The following TSC2 variants were observed in gnomAD, a reference collection of about 807,000 sequenced individuals.
TSC2 encodes the protein tuberin.
A neutral mutation model predicts 202.2 loss-of-function variants in TSC2; 29 were observed. The observed-to-expected ratio is 0.14, with a 90% CI of 0.11 to 0.20. The LOEUF is 0.20. Among genes scored for constraint, TSC2 ranks in the 10% least tolerant of loss-of-function variants. The pLI is 1.00. For synonymous variants in TSC2, 1,349 were observed against 1,044.0 expected (o/e 1.29, Z -5.63); for missense variants, 2,429 against 2,420.0 (o/e 1.00, Z -0.08).
At chr16:2,085,138 G>GC in intron 35 of TSC2, 92 bp from the exon 36 acceptor site, 1 of 1,603,136 alleles carries the variant, frequency 6.2e-7, no homozygotes. Context: ...TCTGGCCTAA[G>GC]CTCCCTGTGG....
At position 2,070,514 on chromosome 16, in the gene TSC2, G is replaced by A. The variant is rs374371998; in HGVS notation, c.1775G>A (p.Ser592Asn). Residue 592 changes from serine to asparagine, a missense_variant, in exon 17 of 42, where the codon AGC becomes AAC. Ser to Asn is a conservative substitution (Grantham distance 46). Coordinates refer to ENST00000219476, the MANE Select transcript of TSC2 (RefSeq NM_000548.5). Reference sequence around the variant, plus strand: ...ACGCGTGTGTATGAGATGCTGGTCAGCCACATTCAGCTCCACTACAAGCAC... The same window carrying A: ...ACGCGTGTGTATGAGATGCTGGTCAACCACATTCAGCTCCACTACAAGCAC... ...HATRVYEMLV[S>N]HIQLHYKHSY... 9 of 1,613,290 alleles carry A rather than the reference G, an allele frequency of 5.6e-6. No homozygotes were observed. In the African/African-American group the frequency reaches 9.3e-5, roughly 17 times the overall value.
At chr16:2,062,919 T>G in intron 13 of TSC2, 53 bp from the exon 14 acceptor site, 2 of 1,534,808 alleles carry the variant, frequency 1.3e-6, no homozygotes, top group Non-Finnish European at 1.8e-6. Flanking sequence ...CGGGCTGGTG[T>G]GGGGCTGTGG....
At chr16:2,069,537 T>C (rs1237963550) in intron 16 of TSC2, among the ~76,000 whole-genome samples, 18 of 151,690 alleles carry the variant, frequency 1.2e-4, no homozygotes, top group Non-Finnish European at 2.6e-4. Flanking sequence ...TGGAGTGCAG[T>C]GGCACGATCT....
chr16:2,078,185 G>A (rs1361205219), intron 26 of TSC2: 2 of 238,612 alleles, frequency 8.4e-6, no homozygotes, highest in Non-Finnish European at 1.7e-5. Flanking sequence ...CTGGGTGGGG[G>A]CTAGGATCCT....
intron 10 of TSC2, among the ~76,000 whole-genome samples, chr16:2,059,336 C>T (rs866595544): frequency 1.4e-5 from 2 of 145,396 alleles, no homozygotes; most frequent in African/African-American, 5.2e-5. Context: ...TTTTCTCTCT[C>T]TCTTTTTTTT....
At chr16:2,053,817 T>G in intron 4 of TSC2, 2 of 509,448 alleles carry the variant, frequency 3.9e-6, no homozygotes, top group Non-Finnish European at 7.7e-6. Context: ...CTGCATTCCA[T>G]CTGTGCTGGT....
intron 24 of TSC2, 152 bp from the exon 25 acceptor site, chr16:2,076,339 T>C (rs2089362678): frequency 6.4e-7 from 1 of 1,560,230 alleles, no homozygotes; most frequent in Non-Finnish European, 8.7e-7. Flanking sequence ...AGGGCTTTGA[T>C]GCGCGGCAGG....
At chr16:2,070,402 T>C (rs932778102) in intron 16 of TSC2, 54 bp from the exon 17 acceptor site, 32 of 1,612,902 alleles carry the variant, frequency 2.0e-5, no homozygotes, top group Non-Finnish European at 2.5e-5. Flanking sequence ...GGTGCTGTCT[T>C]AGGACTGCGT....
At chr16:2,065,817 C>T (rs978710549) in intron 16 of TSC2, among the ~76,000 whole-genome samples, 182 bp downstream of exon 16, 9 of 152,134 alleles carry the variant, frequency 5.9e-5, no homozygotes, top group Non-Finnish European at 1.2e-4. Context: ...GGGATGGATG[C>T]AAGAGGCCCC....
At chr16:2,086,035 C>G (rs1259917418) in intron 36 of TSC2, among the ~76,000 whole-genome samples, 158 bp from the exon 37 acceptor site, 1 of 152,150 alleles carries the variant, frequency 6.6e-6, no homozygotes, top group East Asian at 1.9e-4. Flanking sequence ...AAGGATGACA[C>G]CCGATGTCTG....
At chr16:2,076,397 G>C (rs2089374037) in intron 24 of TSC2, 94 bp from the exon 25 acceptor site, 1 of 1,591,786 alleles carries the variant, frequency 6.3e-7, no homozygotes, top group South Asian at 1.1e-5. Flanking sequence ...CTAGCCTGCA[G>C]CTTGTCCCTG....
rs397515146 is a variant in TSC2 at position 2,060,727 on chromosome 16, C to G, written c.1033C>G (p.Leu345Val). The G allele has an allele frequency of 1.9e-6, 3 of 1,614,128 alleles. No individual in the cohort carries two copies. The highest frequency in any genetic ancestry group is 2.5e-6 in the Non-Finnish European group (3 of 1,180,018). The change falls in exon 11 of 42, where the codon CTC (leucine) becomes GTC (valine). Residue 345 changes from leucine (L) to valine (V), a missense_variant. Leu to Val is a conservative substitution (Grantham distance 32). Coordinates refer to ENST00000219476, the MANE Select transcript of TSC2 (RefSeq NM_000548.5). Reference sequence around the variant, plus strand: ...TGAGATCGTCCTGTCCATCACCAGGCTCATCAAGAAGTATAGGAAGGAGCT... The same window carrying G: ...TGAGATCGTCCTGTCCATCACCAGGGTCATCAAGAAGTATAGGAAGGAGCT... ...SYEIVLSITR[L>V]IKKYRKELQV...
chr16:2,083,833 G>T lies in TSC2; in HGVS notation c.4005+17G>T. On this transcript the variant is annotated intron_variant, in intron 33 of 41. Transcript: ENST00000219476. ...TACAGCAGGGTGAGTGTGGCTCAGA[G>T]CCTGGACCCTGCTGACCTCGGGGGG... 1 of 1,607,764 alleles carries T rather than the reference G, an allele frequency of 6.2e-7. No individual in the cohort carries two copies. The highest frequency in any genetic ancestry group is 8.5e-7 in the Non-Finnish European group (1 of 1,178,158).
intron 38 of TSC2, chr16:2,087,128 A>G: frequency 8.8e-6 from 5 of 568,286 alleles, no homozygotes; most frequent in East Asian, 3.1e-5. Flanking sequence ...GGGTGGGCAC[A>G]GTGTAGTTGG....
chr16:2,088,881 G>GCGCGCA lies in TSC2; in HGVS notation c.*272_*273insGCGCAC, dbSNP rs142285430. The GCGCGCA allele has an allele frequency of 7.1e-4, 300 of 421,466 alleles. 1 individual carries two copies. The highest frequency in any genetic ancestry group is 3.9e-3 in the African/African-American group (173 of 44,674). The allele number at this position is 421,466 out of a possible 1,614,324, so 26.1% of individuals were successfully genotyped here. Reference sequence around the variant, plus strand: ...ACAGCACACTCGCGCGTGCGCGCGCGCACACACACACACACACAGTCACCT... The same window carrying GCGCGCA: ...ACAGCACACTCGCGCGTGCGCGCGCGCGCGCACACACACACACACACACAGTCACCT... On this transcript the variant is annotated 3_prime_UTR_variant, in exon 42 of 42. Coordinates refer to ENST00000219476, the MANE Select transcript of TSC2 (RefSeq NM_000548.5).
At position 2,081,653 on chromosome 16, in the gene TSC2, C is replaced by T. The variant is rs2151481655; in HGVS notation, c.3669C>T (p.Ile1223=). ...ENPLSPFSSD[I]NNMPLQELSN... is the part of the protein sequence containing the mutation. Reference sequence around the variant, plus strand: ...CGCTCAGCCCTTTCTCCTCGGACATCAACAACATGCCCCTGCAGGAGCTGT... The same window carrying T: ...CGCTCAGCCCTTTCTCCTCGGACATTAACAACATGCCCCTGCAGGAGCTGT... Residue 1223 remains isoleucine, a synonymous_variant, in exon 31 of 42, where the codon ATC becomes ATT. Transcript: ENST00000219476. The T allele has an allele frequency of 6.2e-7, 1 of 1,612,976 alleles. No individual in the cohort carries two copies. Among genetic ancestry groups the T allele is most frequent in the Non-Finnish European group, 8.5e-7 (1 of 1,180,016 alleles).
At chr16:2,083,312 G>T in intron 32 of TSC2, 1 of 461,040 alleles carries the variant, frequency 2.2e-6, no homozygotes, top group Admixed American at 2.4e-5. Context: ...CCCACGTCAC[G>T]GAGTCTCCGC....
intron 16 of TSC2, chr16:2,068,896 ATAAGG>A (rs2087793777): frequency 7.0e-6 from 1 of 142,042 alleles, no homozygotes; most frequent in Admixed American, 7.1e-5. Context: ...AAAAAAAATC[ATAAGG>A]AAGCGAAAAT....
rs1800718 is a variant in TSC2, at chr16:2,088,217, A to G, written c.5161-10A>G. The G allele has an allele frequency of 1.2e-6, 2 of 1,612,814 alleles. No individual in the cohort carries two copies. Among genetic ancestry groups the G allele is most frequent in the East Asian group, 2.2e-5 (1 of 44,876 alleles). On this transcript the variant is annotated splice_polypyrimidine_tract_variant and intron_variant, in intron 40 of 41. Transcript: ENST00000219476. ...CTGATAGTGAGCTCACCCCCTGCCT[A>G]CGTCCCCAGATGGCCTCACAGGTGC...
Sources: gnomAD v4.1 joint callset for allele counts (sites outside exome capture counted in the v4.1 genomes callset) on GRCh38, gnomAD v4.1.1 for gene constraint, MANE v1.5 for transcripts, NCBI Gene and HGNC (gene_info 2026-07-23, HGNC 2026-07-21) for gene names.